The following GAREM1 variants were observed in gnomAD, a reference collection of about 807,000 sequenced individuals.
GAREM1 encodes the protein GRB2 associated regulator of MAPK1 subtype 1, also known as GRB2-associated and regulator of MAPK protein 1.
GAREM1 carries 26 observed loss-of-function variants against 71.3 expected under a neutral mutation model. The ratio of observed to expected loss-of-function variants is 0.36; its 90% confidence interval spans 0.27 to 0.51. The LOEUF (loss-of-function observed/expected upper bound fraction) is 0.51. Among genes scored for constraint, GAREM1 ranks in the 20% least tolerant of loss-of-function variants. The pLI is 0.95. For synonymous variants in GAREM1, 440 were observed against 433.2 expected, an observed-to-expected ratio of 1.02 and a Z score of -0.20; for missense variants, 1,026 against 1,103.1, an observed-to-expected ratio of 0.93 and a Z score of 0.99.
chr18:32,297,110 A>G (rs1420728500), intron 3 of GAREM1, among the ~76,000 whole-genome samples: 4 of 152,208 alleles, frequency 2.6e-5, no homozygotes, highest in Non-Finnish European at 4.4e-5. Context: ...GGCAGTGCTG[A>G]GTAGCTGCAA....
At chr18:32,315,144 C>A (rs1354751441) in intron 2 of GAREM1, among the ~76,000 whole-genome samples, 1 of 151,936 alleles carries the variant, frequency 6.6e-6, no homozygotes, top group East Asian at 1.9e-4. Flanking sequence ...AAGCGTCATG[C>A]CTATAATAAA....
At chr18:32,441,454 G>A (rs2048736549) in intron 1 of GAREM1, among the ~76,000 whole-genome samples, 1 of 152,124 alleles carries the variant, frequency 6.6e-6, no homozygotes, top group African/African-American at 2.4e-5. Flanking sequence ...ACTCCTAGCA[G>A]CCAACAATTA....
At chr18:32,453,810 G>A (rs920988781) in intron 1 of GAREM1, among the ~76,000 whole-genome samples, 2 of 152,114 alleles carry the variant, frequency 1.3e-5, no homozygotes, top group African/African-American at 4.8e-5. Context: ...ACATGCCTGT[G>A]TGCATGTGTG....
chr18:32,294,329 G>A (rs1183497681), intron 3 of GAREM1, among the ~76,000 whole-genome samples: 1 of 152,178 alleles, frequency 6.6e-6, no homozygotes, highest in Admixed American at 6.5e-5. Context: ...GGGGAAATGG[G>A]TAAAACAAAT....
intron 1 of GAREM1, among the ~76,000 whole-genome samples, chr18:32,460,075 C>T (rs2048939272): frequency 3.5e-5 from 5 of 142,998 alleles, no homozygotes; most frequent in Admixed American, 2.8e-4. Flanking sequence ...TCATTTCTAA[C>T]ATCCTAAAGT....
At chr18:32,458,228 A>T (rs2048916083) in intron 1 of GAREM1, among the ~76,000 whole-genome samples, 2 of 152,116 alleles carry the variant, frequency 1.3e-5, no homozygotes. Flanking sequence ...CAAATTGTTC[A>T]TCAGCTTCGT....
intron 1 of GAREM1, among the ~76,000 whole-genome samples, chr18:32,395,448 G>A (rs759142610): frequency 6.6e-6 from 1 of 152,226 alleles, no homozygotes; most frequent in Non-Finnish European, 1.5e-5. Context: ...GAGAGATGCT[G>A]GGTGGGGGAA....
intron 1 of GAREM1, among the ~76,000 whole-genome samples, chr18:32,411,499 T>C (rs979692851): frequency 8.5e-5 from 13 of 152,192 alleles, no homozygotes; most frequent in African/African-American, 2.4e-5. Flanking sequence ...ATTTCTTTTT[T>C]TTTTCATTCA....
At chr18:32,324,634 C>G (rs1190925788) in intron 2 of GAREM1, among the ~76,000 whole-genome samples, 1 of 152,220 alleles carries the variant, frequency 6.6e-6, no homozygotes, top group Non-Finnish European at 1.5e-5. Flanking sequence ...ACACCCACGC[C>G]AGCTTGCGCA....
At position 32,361,936 on chromosome 18, in the gene GAREM1, A is replaced by G. The variant is rs544244433; in HGVS notation, c.262+30959T>C. ...TATCTTTACATGAGTGTGTATTTCC[A>G]TTTTAAGTGTATGAATTACACTTGA... On this transcript the variant is annotated intron_variant, in intron 2 of 5. Coordinates refer to ENST00000269209, the MANE Select transcript of GAREM1 (RefSeq NM_001242409.2). Among the ~76,000 whole-genome samples, 26 of 152,308 alleles carry G rather than the reference A, an allele frequency of 1.7e-4. No homozygotes were observed. In the South Asian group the frequency reaches 5.0e-3, roughly 29 times the overall value.
Position 32,266,173 on chromosome 18 carries a change from ATTCAC to A in GAREM1, c.*1693_*1697del, listed in dbSNP as rs2041371497. On this transcript the variant is annotated 3_prime_UTR_variant, in exon 6 of 6. Coordinates refer to ENST00000269209, the MANE Select transcript of GAREM1 (RefSeq NM_001242409.2). ...ATCTAAGATGGAAAATTGGGTATCA[ATTCAC>A]TTCAACTCTAAAACCACGATATGGA... 6.6e-6 allele frequency: 1 copy of A among 152,194 alleles called. No homozygotes were observed. Among genetic ancestry groups the A allele is most frequent in the Non-Finnish European group, 1.5e-5 (1 of 68,028 alleles). 9.4% of individuals were successfully genotyped at this position (152,194 alleles called of 1,614,324 possible).
At chr18:32,317,790 T>G (rs1403494689) in intron 2 of GAREM1, among the ~76,000 whole-genome samples, 1 of 152,072 alleles carries the variant, frequency 6.6e-6, no homozygotes, top group Non-Finnish European at 1.5e-5. Flanking sequence ...CCTCTGTGAT[T>G]GCTGTGTCCT....
intron 1 of GAREM1, among the ~76,000 whole-genome samples, chr18:32,407,383 A>C (rs750943231): frequency 1.3e-5 from 2 of 152,232 alleles, no homozygotes; most frequent in Non-Finnish European, 2.9e-5. Context: ...CAGTGAGCCA[A>C]GATCGCACCA....
chr18:32,470,555 G>T lies in GAREM1; in HGVS notation c.-127C>A. ...GGAGGCGCCGGGCAGCTCCGGCCGC[G>T]GGCAGCCGGGGGGGCGCGGCGACTG... On this transcript the variant is annotated 5_prime_UTR_variant, in exon 1 of 6. Coordinates refer to ENST00000269209, the MANE Select transcript of GAREM1 (RefSeq NM_001242409.2). This position sits in a 1 kb window ranked among gnomAD's most constrained non-coding sequence, Gnocchi z 4.4. 3.4e-6 allele frequency: 2 copies of T among 594,082 alleles called. No individual in the cohort carries two copies. Among genetic ancestry groups the T allele is most frequent in the Non-Finnish European group, 4.2e-6 (2 of 475,130 alleles). The allele number at this position is 594,082 out of a possible 1,614,324, so 36.8% of individuals were successfully genotyped here. A position where few individuals can be genotyped will look rare whatever the true frequency, so the allele number is the denominator to read the frequency against.
chr18:32,444,353 G>A (rs1407493435), intron 1 of GAREM1, among the ~76,000 whole-genome samples: 1 of 152,148 alleles, frequency 6.6e-6, no homozygotes, highest in Non-Finnish European at 1.5e-5. Flanking sequence ...GAGTTAAGGG[G>A]CTCAAGTCCT....
At chr18:32,279,482 T>C (rs1316500117) in intron 4 of GAREM1, among the ~76,000 whole-genome samples, 1 of 152,182 alleles carries the variant, frequency 6.6e-6, no homozygotes, top group Non-Finnish European at 1.5e-5. Flanking sequence ...CTTATGAGAA[T>C]CTAGGTTGCG....
intron 2 of GAREM1, among the ~76,000 whole-genome samples, chr18:32,323,944 G>C (rs1472025383): frequency 6.6e-6 from 1 of 152,094 alleles, no homozygotes; most frequent in East Asian, 1.9e-4. Flanking sequence ...AATGGGGAGA[G>C]AGGGAGATAG....
chr18:32,457,380 G>A (rs2048906655), intron 1 of GAREM1, among the ~76,000 whole-genome samples: 1 of 151,730 alleles, frequency 6.6e-6, no homozygotes, highest in Non-Finnish European at 1.5e-5. Context: ...TAATCAGAGG[G>A]GAATGAAGAC....
chr18:32,430,663 C>A (rs982190365), intron 1 of GAREM1, among the ~76,000 whole-genome samples: 1 of 152,220 alleles, frequency 6.6e-6, no homozygotes, highest in Non-Finnish European at 1.5e-5. Context: ...GAGGACATGA[C>A]TTTGATGTAG....
Sources: gnomAD v4.1 joint callset for allele counts (sites outside exome capture counted in the v4.1 genomes callset) on GRCh38, gnomAD v4.1.1 for gene constraint, Gnocchi (gnomAD v3.1) non-coding constraint, MANE v1.5 for transcripts, NCBI Gene and HGNC (gene_info 2026-07-23, HGNC 2026-07-21) for gene names.